Variants in XCR1 observed in about 807,000 individuals in gnomAD.
XCR1 encodes the protein chemokine XC receptor 1.
For synonymous variants in XCR1, 187 were observed against 188.5 expected (o/e 0.99, Z 0.06); for missense variants, 356 against 424.2 (o/e 0.84, Z 1.41).
At chr3:46,026,525 A>T (rs1035528203) in intron 1 of XCR1, among the ~76,000 whole-genome samples, 1 of 152,098 alleles carries the variant, frequency 6.6e-6, no homozygotes, top group Non-Finnish European at 1.5e-5. Context: ...CATAAGAAAA[A>T]TATTATTTAT....
chr3:46,017,948 C>G lies in XCR1; in HGVS notation c.*2998G>C, dbSNP rs1225743010. 6.6e-6 allele frequency: 1 copy of G among 152,304 alleles called. No homozygotes were observed. The highest frequency in any genetic ancestry group is 1.5e-5 in the Non-Finnish European group (1 of 68,116). 9.4% of individuals were successfully genotyped at this position (152,304 alleles called of 1,614,324 possible). ...GTGGTCAGGGACAGACAGCGTGGCT[C>G]ATGGTGTGCAACTCTCTGGAAACTC... On this transcript the variant is annotated 3_prime_UTR_variant, in exon 2 of 2. Coordinates refer to ENST00000309285, the MANE Select transcript of XCR1 (RefSeq NM_001024644.2).
At chr3:46,077,457 G>C (rs1384447153) in intron 1 of XCR1, among the ~76,000 whole-genome samples, 1 of 151,912 alleles carries the variant, frequency 6.6e-6, no homozygotes, top group East Asian at 1.9e-4. Flanking sequence ...AACAAGCTCA[G>C]GGCTCTTACT....
At chr3:46,071,438 A>C (rs1232396238) in intron 3 of XCR1, among the ~76,000 whole-genome samples, 1 of 152,140 alleles carries the variant, frequency 6.6e-6, no homozygotes, top group East Asian at 1.9e-4. Context: ...AAAATTGAGG[A>C]GGGAATTCAC....
At chr3:46,022,458 T>A (rs1269671787) in intron 1 of XCR1, among the ~76,000 whole-genome samples, 1 of 152,238 alleles carries the variant, frequency 6.6e-6, no homozygotes, top group Non-Finnish European at 1.5e-5. Flanking sequence ...TATTCCTATC[T>A]GTCATGTTGG....
chr3:46,052,027 A>ATAAAAC (rs1553633668), intron 5 of XCR1, among the ~76,000 whole-genome samples: 2 of 119,556 alleles, frequency 1.7e-5, no homozygotes, highest in Non-Finnish European at 3.4e-5. Context: ...CTCCATCTCA[A>ATAAAAC]AAAAACAAAA....
rs1331952506 is a variant in XCR1, at chr3:46,019,164, C to T, written c.*1782G>A. The stretch of plus-strand genomic sequence containing the variant: ...GATAAGCAATCTCTCTACTACTACA[C>T]CCTACTCTCTTTCTACTACTCTCTG... On this transcript the variant is annotated 3_prime_UTR_variant, in exon 2 of 2. Transcript: ENST00000309285. The T allele has an allele frequency of 6.6e-6, 1 of 152,132 alleles. No homozygotes were observed. Among genetic ancestry groups the T allele is most frequent in the Non-Finnish European group, 1.5e-5 (1 of 68,044 alleles). 9.4% of individuals were successfully genotyped at this position (152,132 alleles called of 1,614,324 possible).
intron 5 of XCR1, among the ~76,000 whole-genome samples, chr3:46,052,039 C>CAAAAACA (rs1553633673): frequency 3.1e-4 from 30 of 98,156 alleles, no homozygotes; most frequent in Non-Finnish European, 3.9e-4. Flanking sequence ...AAAACAAAAA[C>CAAAAACA]AAAAAAAAAA....
upstream of XCR1, among the ~76,000 whole-genome samples, chr3:46,031,863 C>A (rs542992666): frequency 6.6e-6 from 1 of 152,316 alleles, no homozygotes; most frequent in South Asian, 2.1e-4. Context: ...AGGCTACCCA[C>A]TCTAGGGCCT....
Position 46,020,822 on chromosome 3 carries a change from C to A in XCR1, c.*124G>T, listed in dbSNP as rs1222342272. ...TGTAATGAATGACCTTCACTGCACG[C>A]CTGCAGCGGAGGAGACGTCTCCACC... On this transcript the variant is annotated 3_prime_UTR_variant, in exon 2 of 2. Coordinates refer to ENST00000309285, the MANE Select transcript of XCR1 (RefSeq NM_001024644.2). 5 of 1,320,232 alleles carry A rather than the reference C, an allele frequency of 3.8e-6. No homozygotes were observed. In the South Asian group the frequency reaches 7.7e-5, roughly 20 times the overall value. The allele number at this position is 1,320,232 out of a possible 1,614,324, so 81.8% of individuals were successfully genotyped here. A position where few individuals can be genotyped will look rare whatever the true frequency, so the allele number is the denominator to read the frequency against.
intron 4 of XCR1, among the ~76,000 whole-genome samples, chr3:46,057,235 C>T (rs558955494): frequency 1.3e-5 from 2 of 152,242 alleles, no homozygotes; most frequent in South Asian, 4.1e-4. Flanking sequence ...GTAGCTGGGA[C>T]CATAGGCATA....
chr3:46,034,281 A>G (rs1277661915), intron 5 of XCR1, among the ~76,000 whole-genome samples: 2 of 152,134 alleles, frequency 1.3e-5, no homozygotes. Flanking sequence ...CATTGCTGGT[A>G]TTTAGAAGAG....
At chr3:46,071,307 T>C (rs1559494620) in intron 3 of XCR1, among the ~76,000 whole-genome samples, 1 of 151,874 alleles carries the variant, frequency 6.6e-6, no homozygotes, top group East Asian at 1.9e-4. Flanking sequence ...TTCCAAAAAA[T>C]CCCAGGCCCA....
At chr3:46,084,785 G>A (rs538606932) in intron 1 of XCR1, among the ~76,000 whole-genome samples, 3 of 152,306 alleles carry the variant, frequency 2.0e-5, no homozygotes, top group Admixed American at 2.0e-4. Flanking sequence ...GACACTGGGG[G>A]CTACTAGAGG....
chr3:46,066,200 T>TCCTC (rs113824413), intron 4 of XCR1, among the ~76,000 whole-genome samples: 9,875 of 140,504 alleles, frequency 0.07, 422 homozygotes, highest in Non-Finnish European at 0.095. Flanking sequence ...CTTCCTTCCT[T>TCCTC]CCTCCCTCCC....
intron 1 of XCR1, among the ~76,000 whole-genome samples, chr3:46,079,400 T>A (rs950451007): frequency 1.3e-5 from 2 of 152,174 alleles, no homozygotes; most frequent in South Asian, 2.1e-4. Context: ...AGAGTTTTTT[T>A]AAGATAAATT....
rs1340431674 is a variant in XCR1 at position 46,019,642 on chromosome 3, G to T, written c.*1304C>A. ...TGAAAGAAGGCCAGTGGTGTTTTGG[G>T]GTTGGATCCCAAGCTGCTGTGGGGA... On this transcript the variant is annotated 3_prime_UTR_variant, in exon 2 of 2. Transcript: ENST00000309285. The T allele has an allele frequency of 6.6e-6, 1 of 152,450 alleles. No individual in the cohort carries two copies. Among genetic ancestry groups the T allele is most frequent in the Admixed American group, 6.5e-5 (1 of 15,282 alleles). 9.4% of individuals were successfully genotyped at this position (152,450 alleles called of 1,614,324 possible).
intron 4 of XCR1, among the ~76,000 whole-genome samples, chr3:46,057,102 A>G (rs1056891008): frequency 1.3e-5 from 2 of 152,210 alleles, no homozygotes; most frequent in African/African-American, 4.8e-5. Context: ...GAAGCAAGAA[A>G]GAGTACATAA....
chr3:46,054,611 T>G (rs1697818672), intron 4 of XCR1, among the ~76,000 whole-genome samples: 1 of 152,092 alleles, frequency 6.6e-6, no homozygotes, highest in African/African-American at 2.4e-5. Flanking sequence ...TAGGTACTGC[T>G]GCTGGCTGCA....
chr3:46,065,816 T>A (rs1173728838), intron 4 of XCR1, among the ~76,000 whole-genome samples: 2 of 152,184 alleles, frequency 1.3e-5, no homozygotes, highest in Admixed American at 1.3e-4. Context: ...TCTAAATGTG[T>A]GTAGGGTCCT....
Sources: gnomAD v4.1 joint callset for allele counts (sites outside exome capture counted in the v4.1 genomes callset) on GRCh38, gnomAD v4.1.1 for gene constraint, MANE v1.5 for transcripts, NCBI Gene and HGNC (gene_info 2026-07-23, HGNC 2026-07-21) for gene names.